Variants in SLC30A8 observed in about 807,000 individuals in gnomAD.
SLC30A8 encodes proton-coupled zinc antiporter SLC30A8.
Under a neutral mutation model 36.9 loss-of-function variants are expected in SLC30A8, and 27 were observed. That is an observed-to-expected ratio of 0.73 (90% CI 0.54 to 1.01). The LOEUF (loss-of-function observed/expected upper bound fraction) is 1.01, where lower values mean the gene tolerates loss of function less well. Among genes scored for constraint, SLC30A8 ranks in the 50% least tolerant of loss-of-function variants. The pLI, the probability that SLC30A8 is intolerant of heterozygous loss-of-function variation, is 0.00. For synonymous variants in SLC30A8, 164 were observed against 172.4 expected (o/e 0.95, Z 0.38); for missense variants, 439 against 452.0 (o/e 0.97, Z 0.26).
chr8:117,102,693 C>A (rs1439939264), intron 2 of SLC30A8, among the ~76,000 whole-genome samples: 1 of 152,064 alleles, frequency 6.6e-6, no homozygotes, highest in Admixed American at 6.6e-5. Flanking sequence ...CAGCATAATC[C>A]CAATTTCTTC....
At chr8:117,053,588 C>T (rs1018636064) in intron 2 of SLC30A8, among the ~76,000 whole-genome samples, 1 of 152,132 alleles carries the variant, frequency 6.6e-6, no homozygotes, top group African/African-American at 2.4e-5. Flanking sequence ...TCTTTATTAG[C>T]CCCACTGAAG....
intron 2 of SLC30A8, among the ~76,000 whole-genome samples, chr8:117,063,978 G>C (rs72687105): frequency 0.023 from 3,423 of 151,938 alleles, 57 homozygotes; most frequent in Middle Eastern, 0.1. Flanking sequence ...ACACCAACCT[G>C]TGGTGGCTAC....
At chr8:116,958,841 ATTT>A (rs758505118) in intron 1 of SLC30A8, among the ~76,000 whole-genome samples, 518 of 59,912 alleles carry the variant, frequency 8.6e-3, no homozygotes, top group African/African-American at 0.034. Flanking sequence ...TGCTCTTTTC[ATTT>A]TTTTTTTTTT....
At chr8:117,083,524 A>G (rs1158791402) in intron 2 of SLC30A8, among the ~76,000 whole-genome samples, 1 of 152,238 alleles carries the variant, frequency 6.6e-6, no homozygotes, top group African/African-American at 2.4e-5. Context: ...TACTACATAC[A>G]TAGTAAGTAG....
intron 1 of SLC30A8, among the ~76,000 whole-genome samples, chr8:117,035,579 A>C (rs1817185939): frequency 1.3e-5 from 2 of 152,228 alleles, no homozygotes; most frequent in African/African-American, 2.4e-5. Context: ...TGTGGAGGAC[A>C]GTGGCCCTCT....
intron 1 of SLC30A8, among the ~76,000 whole-genome samples, chr8:116,977,510 CTTT>C (rs71305452): frequency 8.6e-5 from 10 of 116,382 alleles, no homozygotes; most frequent in African/African-American, 1.3e-4. Flanking sequence ...TACTTTACCA[CTTT>C]TTTTTTTTTT....
At chr8:117,147,941 A>T (rs535059066) in intron 2 of SLC30A8, among the ~76,000 whole-genome samples, 2 of 151,966 alleles carry the variant, frequency 1.3e-5, no homozygotes, top group East Asian at 3.9e-4. Context: ...TTGTCTCTTA[A>T]TGTCTGTTAC....
chr8:117,150,196 T>TAATA (rs1232102742), intron 2 of SLC30A8, among the ~76,000 whole-genome samples: 2 of 152,232 alleles, frequency 1.3e-5, no homozygotes, highest in African/African-American at 4.8e-5. Context: ...TGGTATAGTA[T>TAATA]AATAGTATTC....
At chr8:117,143,696 A>ACACT (rs1554589496) in intron 1 of SLC30A8, among the ~76,000 whole-genome samples, 1 of 149,628 alleles carries the variant, frequency 6.7e-6, no homozygotes, top group African/African-American at 2.5e-5. Context: ...ACACACACAC[A>ACACT]CTCACACATG....
At chr8:116,994,958 A>G (rs1563739320) in intron 1 of SLC30A8, among the ~76,000 whole-genome samples, 1 of 152,128 alleles carries the variant, frequency 6.6e-6, no homozygotes, top group Non-Finnish European at 1.5e-5. Context: ...TGTTAAGCAC[A>G]TTCTTTTTAC....
At chr8:117,069,488 A>G (rs1818264818) in intron 2 of SLC30A8, among the ~76,000 whole-genome samples, 1 of 152,206 alleles carries the variant, frequency 6.6e-6, no homozygotes, top group South Asian at 2.1e-4. Flanking sequence ...ATATCTATGG[A>G]TCCTCAGGGG....
chr8:117,016,241 C>T (rs1292802896), intron 1 of SLC30A8, among the ~76,000 whole-genome samples: 2 of 152,120 alleles, frequency 1.3e-5, no homozygotes, highest in African/African-American at 4.8e-5. Context: ...TTTAACCTTG[C>T]GCACAGAAAA....
At chr8:117,135,732 TTA>T (rs1363860215) in intron 1 of SLC30A8, among the ~76,000 whole-genome samples, 1 of 151,872 alleles carries the variant, frequency 6.6e-6, no homozygotes, top group Non-Finnish European at 1.5e-5. Context: ...GTAAATTTTA[TTA>T]TATTATATTT....
chr8:117,087,322 T>C (rs2130821933), intron 2 of SLC30A8, among the ~76,000 whole-genome samples: 1 of 152,274 alleles, frequency 6.6e-6, no homozygotes, highest in South Asian at 2.1e-4. Flanking sequence ...GATAGTTAGG[T>C]ATTTAATTAG....
chr8:117,093,158 G>A (rs913970079), intron 2 of SLC30A8, among the ~76,000 whole-genome samples: 1 of 151,832 alleles, frequency 6.6e-6, no homozygotes, highest in Admixed American at 6.5e-5. Flanking sequence ...TTGGCCATGA[G>A]GTAAGATACT....
chr8:117,076,906 A>C (rs551799703), intron 2 of SLC30A8, among the ~76,000 whole-genome samples: 1 of 152,294 alleles, frequency 6.6e-6, no homozygotes, highest in East Asian at 1.9e-4. Flanking sequence ...ATGTTTGCAA[A>C]ATGTCTTCCG....
chr8:117,039,002 C>T (rs1817302277), intron 1 of SLC30A8, among the ~76,000 whole-genome samples: 1 of 152,186 alleles, frequency 6.6e-6, no homozygotes, highest in South Asian at 2.1e-4. Context: ...CCAGCTGAAA[C>T]AGCAGAGAGA....
intron 2 of SLC30A8, among the ~76,000 whole-genome samples, chr8:117,106,662 C>G (rs1284497355): frequency 1.3e-5 from 2 of 152,154 alleles, no homozygotes; most frequent in Non-Finnish European, 2.9e-5. Flanking sequence ...TTTCCCTACC[C>G]TGTTCTATGT....
At chr8:117,123,782 T>C (rs537453890) in intron 2 of SLC30A8, among the ~76,000 whole-genome samples, 2 of 152,160 alleles carry the variant, frequency 1.3e-5, no homozygotes, top group East Asian at 3.9e-4. Context: ...TAAGATCTGC[T>C]GTACAACATA....
Sources: allele counts gnomAD v4.1 joint callset (sites outside exome capture counted in the v4.1 genomes callset), GRCh38; gene constraint gnomAD v4.1.1; transcripts MANE v1.5; gene names NCBI Gene and HGNC (gene_info 2026-07-23, HGNC 2026-07-21).